The following COL22A1 variants were observed in gnomAD, a reference collection of about 807,000 sequenced individuals.
COL22A1 encodes collagen alpha-1(XXII) chain.
In COL22A1, 221 loss-of-function variants were observed where a neutral mutation model predicts 248.9. The ratio of observed to expected loss-of-function variants is 0.89; its 90% CI spans 0.80 to 0.99. The LOEUF is 0.99. Ranked by LOEUF, COL22A1 falls within the 50% of genes least tolerant of loss-of-function variation. COL22A1 has a pLI of 0.00. For synonymous variants in COL22A1, 891 were observed against 793.4 expected (o/e 1.12, Z -2.07); for missense variants, 2,240 against 2,179.0 (o/e 1.03, Z -0.56).
At chr8:138,672,773 T>C (rs368930146) in intron 41 of COL22A1, among the ~76,000 whole-genome samples, 42 of 152,318 alleles carry the variant, frequency 2.8e-4, no homozygotes, top group African/African-American at 9.9e-4. Context: ...CCCAATTTCC[T>C]TGATGCTGCT....
rs774091734 is a variant in COL22A1, at chr8:138,619,534, T to C, written c.3772-26A>G. ...CTGAGAGTAAGGAAGAAAAGAAGAG[T>C]TTGAGGACAACATTGTAAGAATCTT... On this transcript the variant is annotated intron_variant, in intron 52 of 64. Coordinates refer to ENST00000303045, the MANE Select transcript of COL22A1 (RefSeq NM_152888.3). The C allele has an allele frequency of 6.8e-6, 11 of 1,606,822 alleles. No homozygotes were observed. In the African/African-American group the frequency reaches 1.3e-4, roughly 20 times the overall value.
At chr8:138,780,869 C>A (rs1814905244) in intron 13 of COL22A1, 58 bp downstream of exon 13, 5 of 1,436,478 alleles carry the variant, frequency 3.5e-6, no homozygotes, top group Non-Finnish European at 3.9e-6. Context: ...GGGTTCTGAC[C>A]AGGAGATCAC....
chr8:138,838,463 A>G (rs940907087), intron 4 of COL22A1, among the ~76,000 whole-genome samples: 2 of 152,096 alleles, frequency 1.3e-5, no homozygotes, highest in Non-Finnish European at 2.9e-5. Context: ...AGCACCATCA[A>G]ACACCACTAA....
rs776877245 is a variant in COL22A1, at chr8:138,807,751, G to A, written c.1494+17C>T. 1.5e-5 allele frequency: 24 copies of A among 1,612,868 alleles called. No individual in the cohort carries two copies. The South Asian group carries it at 2.5e-4, about 17-fold the overall frequency. On this transcript the variant is annotated intron_variant, in intron 10 of 64. Transcript: ENST00000303045. ...AAGTGAGGTTCTAAACTACACCTCTGCCATGCCTGTACTGACCTTTGGACC... is the reference window on the plus strand; with the variant it reads ...AAGTGAGGTTCTAAACTACACCTCTACCATGCCTGTACTGACCTTTGGACC...
intron 7 of COL22A1, among the ~76,000 whole-genome samples, chr8:138,813,984 C>G (rs774905541): frequency 6.6e-6 from 1 of 152,228 alleles, no homozygotes; most frequent in Non-Finnish European, 1.5e-5. Context: ...TTAAACAAGA[C>G]GTAACACGTA....
chr8:138,767,872 C>T (rs1175195413), intron 16 of COL22A1, among the ~76,000 whole-genome samples: 2 of 152,252 alleles, frequency 1.3e-5, no homozygotes, highest in Admixed American at 6.5e-5. Context: ...CTGATCAGCA[C>T]ATTCAGTGTG....
intron 23 of COL22A1, among the ~76,000 whole-genome samples, chr8:138,728,450 C>T (rs1830480060): frequency 6.6e-6 from 1 of 152,126 alleles, no homozygotes; most frequent in Admixed American, 6.6e-5. Flanking sequence ...CAGTTCCCTT[C>T]CCTCCTTACA....
At chr8:138,658,103 T>C (rs1823457280) in intron 44 of COL22A1, among the ~76,000 whole-genome samples, 1 of 152,230 alleles carries the variant, frequency 6.6e-6, no homozygotes, top group African/African-American at 2.4e-5. Flanking sequence ...AGGAGGATCC[T>C]GGAACAGGAA....
intron 41 of COL22A1, among the ~76,000 whole-genome samples, chr8:138,669,420 T>C (rs1824817911): frequency 6.6e-6 from 1 of 152,188 alleles, no homozygotes; most frequent in African/African-American, 2.4e-5. Flanking sequence ...AAGCCTTTCT[T>C]GTGCTGGCTT....
In COL22A1 at chr8:138,755,793, C is replaced by A; in HGVS notation, c.1939G>T (p.Gly647Cys). The A allele has an allele frequency of 1.2e-6, 2 of 1,614,162 alleles. No homozygotes were observed. Among genetic ancestry groups the A allele is most frequent in the African/African-American group, 1.3e-5 (1 of 75,032 alleles). The change falls in exon 19 of 65, where the codon GGC becomes TGC. Residue 647 changes from glycine to cysteine, a missense_variant. Transcript: ENST00000303045. ...VGPAGPPGVPGSVVQQEGLKG... is the reference protein window; with the variant it reads ...VGPAGPPGVPCSVVQQEGLKG... ...AACCACTGCTGACTCACCACTGAGCCTGGTACACCAGGTGGCCCCGCAGGT... is the reference window on the plus strand; with the variant it reads ...AACCACTGCTGACTCACCACTGAGCATGGTACACCAGGTGGCCCCGCAGGT...
At chr8:138,841,432 G>C (rs1820874081) in intron 4 of COL22A1, among the ~76,000 whole-genome samples, 1 of 152,138 alleles carries the variant, frequency 6.6e-6, no homozygotes, top group Admixed American at 6.5e-5. Context: ...CAGTTTCCTG[G>C]AGGTGACTGT....
Position 138,636,749 on chromosome 8 carries a change from C to G in COL22A1, c.3548G>C (p.Gly1183Ala). ...RGADGEVGQK[G>A]DQGHPGVPGF... ...TATAAAGTAAATTTTTACCTGATCA[C>G]CTTTCTGCCCAACCTCACCATCTGC... is the stretch of plus-strand genomic sequence containing the variant. Residue 1183 changes from glycine (G) to alanine (A), a missense_variant, in exon 48 of 65, where the codon GGT becomes GCT. By Grantham distance (60) the Gly-to-Ala change is moderately conservative. Transcript: ENST00000303045. 6.2e-7 allele frequency: 1 copy of G among 1,613,134 alleles called. No homozygotes were observed. The highest frequency in any genetic ancestry group is 8.5e-7 in the Non-Finnish European group (1 of 1,179,208).
chr8:138,647,618 T>G (rs1158164738), intron 46 of COL22A1, among the ~76,000 whole-genome samples: 1 of 152,216 alleles, frequency 6.6e-6, no homozygotes, highest in African/African-American at 2.4e-5. Flanking sequence ...TATGGTTATT[T>G]TCACTCTAAG....
intron 44 of COL22A1, among the ~76,000 whole-genome samples, chr8:138,659,506 A>C (rs1270833165): frequency 6.6e-6 from 1 of 152,170 alleles, no homozygotes; most frequent in Non-Finnish European, 1.5e-5. Context: ...GAGGCCTGCG[A>C]TTCCCCAGTC....
chr8:138,631,694 A>G (rs1024401692), intron 49 of COL22A1, among the ~76,000 whole-genome samples: 1 of 21,888 alleles, frequency 4.6e-5, no homozygotes, highest in Non-Finnish European at 1.2e-4. Flanking sequence ...TCACATATGC[A>G]CAGCCTCATA....
chr8:138,908,708 A>G (rs56885010), intron 1 of COL22A1, among the ~76,000 whole-genome samples: 9,100 of 152,212 alleles, frequency 0.06, 548 homozygotes, highest in South Asian at 0.22. Flanking sequence ...CCTGGCACCA[A>G]TTGGCACTCA....
At position 138,859,171 on chromosome 8, in the gene COL22A1, T is replaced by G. The variant is rs1265756072; in HGVS notation, c.659-15013A>C. Among the ~76,000 whole-genome samples the G allele has an allele frequency of 2.0e-5, 3 of 152,190 alleles. No individual in the cohort carries two copies. The East Asian group carries it at 5.8e-4, about 29-fold the overall frequency. On this transcript the variant is annotated intron_variant, in intron 3 of 64. Coordinates refer to ENST00000303045, the MANE Select transcript of COL22A1 (RefSeq NM_152888.3). ...TTTATTTGTGCCACTGCCAGCCACG[T>G]TCTCCCATTAGCACACAGCCTGGGC...
intron 1 of COL22A1, among the ~76,000 whole-genome samples, chr8:138,892,679 C>T (rs1047247152): frequency 6.6e-6 from 1 of 152,234 alleles, no homozygotes; most frequent in Non-Finnish European, 1.5e-5. Flanking sequence ...TGAGTTCCTT[C>T]CACAAGCCAG....
chr8:138,603,436 G>T (rs78922974), intron 59 of COL22A1, among the ~76,000 whole-genome samples: 1,917 of 152,300 alleles, frequency 0.013, 44 homozygotes, highest in African/African-American at 0.044. Context: ...TGAGGACCAA[G>T]CCTTGGATGG....
Sources: allele counts gnomAD v4.1 joint callset (sites outside exome capture counted in the v4.1 genomes callset), GRCh38; gene constraint gnomAD v4.1.1; transcripts MANE v1.5; gene names NCBI Gene and HGNC (gene_info 2026-07-23, HGNC 2026-07-21).